Variants in TYW1 observed in about 807,000 individuals in gnomAD.
TYW1 encodes the protein S-adenosyl-L-methionine-dependent tRNA 4-demethylwyosine synthase TYW1.
Under a neutral mutation model 96.2 loss-of-function variants are expected in TYW1, and 46 were observed. The observed-to-expected ratio is 0.48, with a 90% confidence interval of 0.38 to 0.61. The LOEUF is 0.61. Ranked by LOEUF, TYW1 falls within the 20% of genes least tolerant of loss-of-function variation. The pLI, the probability that TYW1 is intolerant of heterozygous loss-of-function variation, is 0.00. For synonymous variants in TYW1, 274 were observed against 323.0 expected (o/e 0.85, Z 1.63); for missense variants, 684 against 909.6 (o/e 0.75, Z 3.19).
At chr7:67,150,309 C>T (rs1798756566) in intron 13 of TYW1, among the ~76,000 whole-genome samples, 1 of 152,076 alleles carries the variant, frequency 6.6e-6, no homozygotes, top group Non-Finnish European at 1.5e-5. Flanking sequence ...GAGTCCACAA[C>T]AAACACAAAC....
intron 6 of TYW1, among the ~76,000 whole-genome samples, chr7:67,023,487 G>A (rs183656068): frequency 3.3e-5 from 5 of 152,186 alleles, no homozygotes; most frequent in Admixed American, 3.3e-4. Flanking sequence ...CTCTTTATCA[G>A]CTGGGCACGG....
intron 13 of TYW1, among the ~76,000 whole-genome samples, chr7:67,135,302 G>GTTTTTGTTTTTTTTT (rs1285318169): frequency 3.6e-5 from 4 of 111,816 alleles, no homozygotes; most frequent in African/African-American, 1.5e-4. Flanking sequence ...TGTTAAAACA[G>GTTTTTGTTTTTTTTT]TTTTTTTTTT....
intron 13 of TYW1, among the ~76,000 whole-genome samples, chr7:67,181,633 A>G (rs1445832342): frequency 6.6e-6 from 1 of 150,916 alleles, no homozygotes; most frequent in Non-Finnish European, 1.5e-5. Context: ...GAGTATTTTG[A>G]GCATTGCTAC....
chr7:67,203,113 A>G (rs1156852023), intron 15 of TYW1, among the ~76,000 whole-genome samples: 1 of 152,180 alleles, frequency 6.6e-6, no homozygotes, highest in Admixed American at 6.5e-5. Flanking sequence ...GATCTTTCTC[A>G]TGCTATTCCT....
rs563971237 is a variant in TYW1 at position 67,015,356 on chromosome 7, T to G, written c.570+795T>G. Among the ~76,000 whole-genome samples, 26 of 152,070 alleles carry G rather than the reference T, an allele frequency of 1.7e-4. 1 individual carries two copies. Among genetic ancestry groups the G allele is most frequent in the African/African-American group, 6.3e-4 (26 of 41,498 alleles). ...CTTAAAAAAAATTTTTTTTTAAAATTATGTTTATTTTTTCAGGACAGGGTC... is the reference window on the plus strand; with the variant it reads ...CTTAAAAAAAATTTTTTTTTAAAATGATGTTTATTTTTTCAGGACAGGGTC... On this transcript the variant is annotated intron_variant, in intron 5 of 15. Transcript: ENST00000359626.
At chr7:67,119,132 TC>T (rs2115988176) in intron 13 of TYW1, among the ~76,000 whole-genome samples, 1 of 152,088 alleles carries the variant, frequency 6.6e-6, no homozygotes, top group South Asian at 2.1e-4. Context: ...CTTCCTTCCT[TC>T]CTTCCTTGCT....
chr7:67,208,903 A>G (rs1432578792), intron 15 of TYW1, among the ~76,000 whole-genome samples: 1 of 152,110 alleles, frequency 6.6e-6, no homozygotes. Flanking sequence ...TGTCATTGTC[A>G]TATTCTATGC....
In TYW1 at chr7:67,148,526, C is replaced by A. The variant is rs188149190; in HGVS notation, c.1698+30908C>A. 2.1e-3 allele frequency among the ~76,000 whole-genome samples: 311 copies of A among 149,972 alleles called. 2 individuals are homozygous for A. Among genetic ancestry groups the A allele is most frequent in the African/African-American group, 7.3e-3 (294 of 40,520 alleles). On this transcript the variant is annotated intron_variant, in intron 13 of 15. Transcript: ENST00000359626. Reference sequence around the variant, plus strand: ...CTGCAAGCTCCGCCCCCCGGGTTCACGCCATTCTCCTGCCTCAGCCTCCCG... The same window carrying A: ...CTGCAAGCTCCGCCCCCCGGGTTCAAGCCATTCTCCTGCCTCAGCCTCCCG...
At chr7:67,019,234 TC>T (rs1159130901) in intron 6 of TYW1, among the ~76,000 whole-genome samples, 1 of 152,196 alleles carries the variant, frequency 6.6e-6, no homozygotes, top group Non-Finnish European at 1.5e-5. Context: ...CCTTGCAGAT[TC>T]CCCTTCTTAC....
At chr7:67,099,812 G>T (rs1414387258) in intron 12 of TYW1, among the ~76,000 whole-genome samples, 1 of 152,172 alleles carries the variant, frequency 6.6e-6, no homozygotes, top group African/African-American at 2.4e-5. Context: ...AGACCAGTCT[G>T]ACCAACATGG....
At chr7:67,231,778 T>C (rs1362878887) in intron 15 of TYW1, among the ~76,000 whole-genome samples, 1 of 151,604 alleles carries the variant, frequency 6.6e-6, no homozygotes, top group Non-Finnish European at 1.5e-5. Context: ...GTAGACACCT[T>C]TAATGTGGAA....
At position 67,025,026 on chromosome 7, in the gene TYW1, C is replaced by T. The variant is rs1400265441; in HGVS notation, c.984+4C>T. 2 of 1,613,592 alleles carry T rather than the reference C, an allele frequency of 1.2e-6. No homozygotes were observed. Among genetic ancestry groups the T allele is most frequent in the East Asian group, 2.2e-5 (1 of 44,868 alleles). ...GGATCATGTGAAGAAAGAAAAGGTACCGTTACTTTGGGAAATGTTGCACTT... is the reference window on the plus strand; with the variant it reads ...GGATCATGTGAAGAAAGAAAAGGTATCGTTACTTTGGGAAATGTTGCACTT... On this transcript the variant is annotated splice_donor_region_variant and intron_variant, in intron 7 of 15. Coordinates refer to ENST00000359626, the MANE Select transcript of TYW1 (RefSeq NM_018264.4).
chr7:67,197,349 G>A (rs1259140145), intron 15 of TYW1, among the ~76,000 whole-genome samples: 1 of 148,908 alleles, frequency 6.7e-6, no homozygotes, highest in Non-Finnish European at 1.5e-5. Flanking sequence ...TTTTTAAGAT[G>A]GAGTCTTGCT....
chr7:67,182,783 A>AT (rs2116303334), intron 13 of TYW1, among the ~76,000 whole-genome samples: 1 of 152,216 alleles, frequency 6.6e-6, no homozygotes, highest in African/African-American at 2.4e-5. Flanking sequence ...ATTTCAATTA[A>AT]TTTTTTATAG....
intron 6 of TYW1, among the ~76,000 whole-genome samples, chr7:67,022,305 G>T (rs1018285697): frequency 6.6e-6 from 1 of 152,188 alleles, no homozygotes; most frequent in Admixed American, 6.6e-5. Flanking sequence ...TAGAGGGGCA[G>T]ATTTGCATAG....
At chr7:67,223,653 A>G (rs993587292) in intron 15 of TYW1, among the ~76,000 whole-genome samples, 1 of 150,608 alleles carries the variant, frequency 6.6e-6, no homozygotes, top group Non-Finnish European at 1.5e-5. Context: ...CCACCCTTCC[A>G]TGACAAGAAC....
chr7:67,210,984 T>C (rs1045503168), intron 15 of TYW1, among the ~76,000 whole-genome samples: 4 of 151,238 alleles, frequency 2.6e-5, no homozygotes, highest in African/African-American at 2.4e-5. Flanking sequence ...TGCCTGCCTG[T>C]CTGTCTATGT....
chr7:67,029,407 G>GTATATATATACA (rs1453768398), intron 7 of TYW1, among the ~76,000 whole-genome samples: 1 of 96,266 alleles, frequency 1.0e-5, no homozygotes. Context: ...GTGTGTGTGT[G>GTATATATATACA]TGTGTGTGTA....
chr7:67,132,380 G>A (rs1798107157), intron 13 of TYW1, among the ~76,000 whole-genome samples: 2 of 152,016 alleles, frequency 1.3e-5, no homozygotes, highest in Admixed American at 1.3e-4. Context: ...AAAGTGCTGG[G>A]ATTACAGACG....
Sources: gnomAD v4.1 joint callset for allele counts (sites outside exome capture counted in the v4.1 genomes callset) on GRCh38, gnomAD v4.1.1 for gene constraint, MANE v1.5 for transcripts, NCBI Gene and HGNC (gene_info 2026-07-23, HGNC 2026-07-21) for gene names.